The following CLEC2D variants were observed in gnomAD, a reference collection of about 807,000 sequenced individuals.
The protein encoded by CLEC2D is C-type lectin related f.
Under a neutral mutation model 20.0 loss-of-function variants are expected in CLEC2D, and 16 were observed. That is an observed-to-expected ratio of 0.80 (90% CI 0.54 to 1.22). The LOEUF is 1.22. Ranked by LOEUF, CLEC2D falls within the 50% of genes most tolerant of loss-of-function variation. The probability of loss-of-function intolerance (pLI) is 0.00; values close to 1 mark genes in which losing one functional copy is unlikely to be tolerated. For missense variants in CLEC2D, 207 were observed against 221.5 expected (o/e 0.93, Z 0.42); for synonymous variants, 77 against 71.1 (o/e 1.08, Z -0.42).
Position 9,697,601 on chromosome 12 carries a change from G to A in CLEC2D, c.*2727G>A, listed in dbSNP as rs1202880698. 1.3e-5 allele frequency: 2 copies of A among 151,936 alleles called. No homozygotes were observed. The highest frequency in any genetic ancestry group is 2.9e-5 in the Non-Finnish European group (2 of 68,018). 9.4% of individuals were successfully genotyped at this position (151,936 alleles called of 1,614,324 possible). ...GGTTAGGATCTACCCGACTGAGCTG[G>A]TCTCAGCACTGTTATTTGAAACAAT... On this transcript the variant is annotated 3_prime_UTR_variant, in exon 5 of 5. Transcript: ENST00000290855.
rs1591707275 is a variant in CLEC2D at position 9,696,428 on chromosome 12, G to T, written c.*1554G>T. ...TTTTAAAGATGGAACTCCACCCTTT[G>T]CTTGGTTTTAAGTATGTATGGGATG... On this transcript the variant is annotated 3_prime_UTR_variant, in exon 5 of 5. Coordinates refer to ENST00000290855, the MANE Select transcript of CLEC2D (RefSeq NM_013269.6). 1 of 458,292 alleles carries T rather than the reference G, an allele frequency of 2.2e-6. No individual in the cohort carries two copies. Among genetic ancestry groups the T allele is most frequent in the East Asian group, 3.9e-5 (1 of 25,480 alleles). 28.4% of individuals were successfully genotyped at this position (458,292 alleles called of 1,614,324 possible). A position where few individuals can be genotyped will look rare whatever the true frequency, so the allele number is the denominator to read the frequency against.
rs773543903 is a variant in CLEC2D at position 9,683,152 on chromosome 12, G to A, written c.172+2119G>A. ...TGGCCACATAAATGTCTTCTTTTGT[G>A]AAGTGTCTGTTCATATCTTTTGCCC... On this transcript the variant is annotated intron_variant, in intron 2 of 4. Transcript: ENST00000290855. Among the ~76,000 whole-genome samples, 14 of 152,122 alleles carry A rather than the reference G, an allele frequency of 9.2e-5. 1 individual carries two copies. The East Asian group carries it at 2.5e-3, about 27-fold the overall frequency.
rs1340983524 is a variant in CLEC2D at position 9,699,200 on chromosome 12, C to T, written c.*4326C>T. On this transcript the variant is annotated 3_prime_UTR_variant, in exon 5 of 5. Coordinates refer to ENST00000290855, the MANE Select transcript of CLEC2D (RefSeq NM_013269.6). ...GGACAAGGGTATATCACCATCTATACCCCATTGCTTGGTGGGGTGATCACT... is the reference window on the plus strand; with the variant it reads ...GGACAAGGGTATATCACCATCTATATCCCATTGCTTGGTGGGGTGATCACT... The T allele has an allele frequency of 2.0e-5, 3 of 151,990 alleles. No individual in the cohort carries two copies. The highest frequency in any genetic ancestry group is 4.4e-5 in the Non-Finnish European group (3 of 67,984). 9.4% of individuals were successfully genotyped at this position (151,990 alleles called of 1,614,324 possible).
chr12:9,681,114 T>C (rs1453841479), intron 2 of CLEC2D, 81 bp downstream of exon 2: 1 of 803,570 alleles, frequency 1.2e-6, no homozygotes, highest in Non-Finnish European at 2.0e-6. Context: ...AATTTTGTTA[T>C]TCTTTACAGC....
chr12:9,691,358 T>A (rs1865858654), intron 3 of CLEC2D, among the ~76,000 whole-genome samples: 1 of 152,240 alleles, frequency 6.6e-6, no homozygotes, highest in African/African-American at 2.4e-5. Flanking sequence ...ATTAAACAAC[T>A]AGACATAAGA....
intron 1 of CLEC2D, among the ~76,000 whole-genome samples, chr12:9,677,707 C>CTTTTTTTTTTTTTTTTTTTT (rs36120151): frequency 1.5e-4 from 18 of 122,426 alleles, no homozygotes; most frequent in East Asian, 2.3e-4. Flanking sequence ...TTCTTTCTTT[C>CTTTTTTTTTTTTTTTTTTTT]TTTTTTTTTT....
chr12:9,678,896 C>T (rs1865576468), intron 1 of CLEC2D, among the ~76,000 whole-genome samples: 2 of 152,074 alleles, frequency 1.3e-5, no homozygotes, highest in South Asian at 2.1e-4. Context: ...TTATAAAGTT[C>T]CATATTTTCT....
chr12:9,686,337 T>G (rs1051226432), intron 2 of CLEC2D, among the ~76,000 whole-genome samples: 8 of 152,026 alleles, frequency 5.3e-5, no homozygotes, highest in African/African-American at 1.9e-4. Flanking sequence ...TTTAAATTGG[T>G]TGATACAGGA....
In CLEC2D at chr12:9,687,494, C is replaced by T. The variant is rs80266599; in HGVS notation, c.173-408C>T. Among the ~76,000 whole-genome samples, 483 of 152,314 alleles carry T rather than the reference C, an allele frequency of 3.2e-3. 4 individuals are homozygous for T. Among genetic ancestry groups the T allele is most frequent in the African/African-American group, 0.011 (460 of 41,562 alleles). ...GCCTGCTTCCTGACTCATCCATGGA[C>T]CAGTACTGATCCATGGCCTAGGGGT... On this transcript the variant is annotated intron_variant, in intron 2 of 4. Coordinates refer to ENST00000290855, the MANE Select transcript of CLEC2D (RefSeq NM_013269.6).
intron 1 of CLEC2D, among the ~76,000 whole-genome samples, chr12:9,672,428 T>C (rs1865443184): frequency 6.6e-6 from 1 of 152,206 alleles, no homozygotes; most frequent in South Asian, 2.1e-4. Flanking sequence ...ATTGGCATAT[T>C]GTAGCACTCA....
In CLEC2D at chr12:9,695,520, G is replaced by A. The variant is rs770375071; in HGVS notation, c.*646G>A. The A allele has an allele frequency of 7.4e-5, 92 of 1,240,184 alleles. 1 individual carries two copies. In the African/African-American group the frequency reaches 9.5e-4, roughly 13 times the overall value. 76.8% of individuals were successfully genotyped at this position (1,240,184 alleles called of 1,614,324 possible). ...AATGAGACCAGTTATCTTTAAGAACGGTCAGCTCAGGGGCTGGTGCAAAGG... is the reference window on the plus strand; with the variant it reads ...AATGAGACCAGTTATCTTTAAGAACAGTCAGCTCAGGGGCTGGTGCAAAGG... On this transcript the variant is annotated 3_prime_UTR_variant, in exon 5 of 5. Coordinates refer to ENST00000290855, the MANE Select transcript of CLEC2D (RefSeq NM_013269.6).
At chr12:9,687,708 T>C (rs1565468997) in intron 2 of CLEC2D, among the ~76,000 whole-genome samples, 194 bp from the exon 3 acceptor site, 1 of 152,204 alleles carries the variant, frequency 6.6e-6, no homozygotes, top group South Asian at 2.1e-4. Flanking sequence ...AGGCATGAGT[T>C]TGAATCTCAG....
intron 1 of CLEC2D, among the ~76,000 whole-genome samples, chr12:9,677,167 T>A (rs1383051156): frequency 6.6e-6 from 1 of 152,102 alleles, no homozygotes; most frequent in Admixed American, 6.5e-5. Flanking sequence ...CCTGATTTGC[T>A]CTTCTATTTC....
intron 1 of CLEC2D, among the ~76,000 whole-genome samples, chr12:9,676,577 A>G (rs1865524076): frequency 6.6e-6 from 1 of 152,022 alleles, no homozygotes. Context: ...GGATTTGCTG[A>G]TGTTTTGTTA....
At chr12:9,691,254 C>T (rs765199474) in intron 3 of CLEC2D, among the ~76,000 whole-genome samples, 1 of 151,948 alleles carries the variant, frequency 6.6e-6, no homozygotes, top group East Asian at 1.9e-4. Context: ...AATACAGCCT[C>T]AAAATATATG....
In CLEC2D at chr12:9,696,466, ATAG is replaced by A. The variant is rs1865996548; in HGVS notation, c.*1599_*1601del. On this transcript the variant is annotated 3_prime_UTR_variant, in exon 5 of 5. Coordinates refer to ENST00000290855, the MANE Select transcript of CLEC2D (RefSeq NM_013269.6). Reference sequence around the variant, plus strand: ...TATGTATGGGATGCTATGATAGGACATAGTAGTAGCAGTGGTCAGACATGGAAA... The same window carrying A: ...TATGTATGGGATGCTATGATAGGACATAGTAGCAGTGGTCAGACATGGAAA... The A allele has an allele frequency of 2.5e-6, 1 of 392,900 alleles. No individual in the cohort carries two copies. The highest frequency in any genetic ancestry group is 2.0e-5 in the African/African-American group (1 of 49,086). 24.3% of individuals were successfully genotyped at this position (392,900 alleles called of 1,614,324 possible).
At chr12:9,686,650 T>C (rs2120950132) in intron 2 of CLEC2D, among the ~76,000 whole-genome samples, 1 of 152,228 alleles carries the variant, frequency 6.6e-6, no homozygotes, top group East Asian at 1.9e-4. Flanking sequence ...TTCAGAACCA[T>C]TGAGTTGAAG....
intron 3 of CLEC2D, 104 bp downstream of exon 3, chr12:9,688,190 A>ATTTTTTTTTTT (rs71045286): frequency 2.3e-5 from 18 of 787,136 alleles, no homozygotes; most frequent in African/African-American, 8.2e-5. Flanking sequence ...TTTTACATTG[A>ATTTTTTTTTTT]TTTTTTTTTT....
intron 1 of CLEC2D, among the ~76,000 whole-genome samples, chr12:9,677,707 C>CTTTTTTTTT (rs36120151): frequency 4.3e-4 from 53 of 122,388 alleles, no homozygotes; most frequent in African/African-American, 5.5e-4. Context: ...TTCTTTCTTT[C>CTTTTTTTTT]TTTTTTTTTT....
Sources: allele counts gnomAD v4.1 joint callset (sites outside exome capture counted in the v4.1 genomes callset), GRCh38; gene constraint gnomAD v4.1.1; transcripts MANE v1.5; gene names NCBI Gene and HGNC (gene_info 2026-07-23, HGNC 2026-07-21).